The following VAV2 variants were observed in gnomAD, a reference collection of about 807,000 sequenced individuals.
The protein encoded by VAV2 is vav guanine nucleotide exchange factor 2.
In VAV2, 67 loss-of-function variants were observed where a neutral mutation model predicts 132.5. The ratio of observed to expected loss-of-function variants is 0.51; its 90% CI spans 0.42 to 0.62. The LOEUF is 0.62. Among genes scored for constraint, VAV2 ranks in the 20% least tolerant of loss-of-function variants. The pLI is 0.00. For missense variants in VAV2, 938 were observed against 1,153.6 expected (o/e 0.81, Z 2.71); for synonymous variants, 492 against 443.5 (o/e 1.11, Z -1.37).
intron 7 of VAV2, among the ~76,000 whole-genome samples, chr9:133,808,361 C>T (rs545771808): frequency 1.3e-5 from 2 of 152,350 alleles, no homozygotes; most frequent in East Asian, 3.9e-4. Flanking sequence ...GGCATCACGG[C>T]CACCCTGGTT....
At chr9:133,948,454 G>A (rs1019957826) in intron 1 of VAV2, among the ~76,000 whole-genome samples, 1 of 152,124 alleles carries the variant, frequency 6.6e-6, no homozygotes, top group Non-Finnish European at 1.5e-5. Context: ...GGTCTTCGGG[G>A]GCCAGCCTTG....
At chr9:133,871,175 G>A (rs12348043) in intron 2 of VAV2, among the ~76,000 whole-genome samples, 1 of 150,258 alleles carries the variant, frequency 6.7e-6, no homozygotes, top group Admixed American at 6.6e-5. Context: ...TGGATGGATA[G>A]ATGAGTGGGT....
chr9:133,957,345 C>G (rs1053522967), intron 1 of VAV2, among the ~76,000 whole-genome samples: 2 of 152,176 alleles, frequency 1.3e-5, no homozygotes, highest in African/African-American at 4.8e-5. Flanking sequence ...ATGAAACCGA[C>G]AAGAACTCCC....
chr9:133,991,171 G>C lies in VAV2; in HGVS notation c.204+904C>G, dbSNP rs1843003019. ...CACCTCCTCGGCGCTGGGTGGACCC[G>C]GCTGCCACCCGCTCTGCCTCCCCCG... On this transcript the variant is annotated intron_variant, in intron 1 of 29. Coordinates refer to ENST00000371850, the MANE Select transcript of VAV2 (RefSeq NM_001134398.2). The surrounding 1 kb of genome is among the most constrained non-coding windows in gnomAD (Gnocchi z 4.8). Among the ~76,000 whole-genome samples the C allele has an allele frequency of 6.6e-6, 1 of 152,172 alleles. No homozygotes were observed. Among genetic ancestry groups the C allele is most frequent in the African/African-American group, 2.4e-5 (1 of 41,454 alleles).
intron 1 of VAV2, among the ~76,000 whole-genome samples, chr9:133,966,647 G>A (rs1230041827): frequency 3.9e-5 from 6 of 152,110 alleles, no homozygotes; most frequent in Admixed American, 3.9e-4. Flanking sequence ...GCTGCAGTGA[G>A]CTGTGATCAC....
Position 133,824,171 on chromosome 9 carries a change from C to A in VAV2, c.449+10101G>T, listed in dbSNP as rs928371149. On this transcript the variant is annotated intron_variant, in intron 4 of 29. Coordinates refer to ENST00000371850, the MANE Select transcript of VAV2 (RefSeq NM_001134398.2). This position sits in a 1 kb window ranked among gnomAD's most constrained non-coding sequence, Gnocchi z 5.2. Reference sequence around the variant, plus strand: ...AACGAGCTGCGGTCTCCACAGCCAGCCCCACAGGGAAGTGCTGATGGCTCT... The same window carrying A: ...AACGAGCTGCGGTCTCCACAGCCAGACCCACAGGGAAGTGCTGATGGCTCT... Among the ~76,000 whole-genome samples, 3 of 152,130 alleles carry A rather than the reference C, an allele frequency of 2.0e-5. No homozygotes were observed. The highest frequency in any genetic ancestry group is 4.4e-5 in the Non-Finnish European group (3 of 68,016).
rs1564350912 is a variant in VAV2 at position 133,791,770 on chromosome 9, C to T, written c.1188+13G>A. 2 of 1,612,358 alleles carry T rather than the reference C, an allele frequency of 1.2e-6. No homozygotes were observed. The highest frequency in any genetic ancestry group is 8.5e-7 in the Non-Finnish European group (1 of 1,178,434). Reference sequence around the variant, plus strand: ...ATCGACCTTCCCTAGCCTGAAGAGTCAGTCTCACTCACCAAATTTTCTATA... The same window carrying T: ...ATCGACCTTCCCTAGCCTGAAGAGTTAGTCTCACTCACCAAATTTTCTATA... On this transcript the variant is annotated intron_variant, in intron 13 of 29. Coordinates refer to ENST00000371850, the MANE Select transcript of VAV2 (RefSeq NM_001134398.2).
chr9:133,893,852 G>A (rs1400286267), intron 2 of VAV2, among the ~76,000 whole-genome samples: 3 of 151,364 alleles, frequency 2.0e-5, no homozygotes, highest in Admixed American at 6.5e-5. Context: ...ACACAGCAGC[G>A]GCGAGAGTCG....
chr9:133,807,290 C>T lies in VAV2; in HGVS notation c.703G>A (p.Ala235Thr), dbSNP rs1301212214. Residue 235 changes from alanine (A) to threonine (T), a missense_variant, in exon 8 of 30, where the codon GCG (alanine) becomes ACG (threonine). Coordinates refer to ENST00000371850, the MANE Select transcript of VAV2 (RefSeq NM_001134398.2). ...TTAATGAAGACAGCTGCCATGTCCG[C>T]CGGGCTCAGCACCAGCCGCAGGGGG... ...MSPLRLVLSP[A>T]DMAAVFINLE... 4 of 1,611,236 alleles carry T rather than the reference C, an allele frequency of 2.5e-6. No homozygotes were observed. The East Asian group carries it at 6.7e-5, about 27-fold the overall frequency.
At position 133,964,036 on chromosome 9, in the gene VAV2, TATATATATATATACATATATATAC is replaced by T. The variant is rs1463500977; in HGVS notation, c.205-24841_205-24818del. On this transcript the variant is annotated intron_variant, in intron 1 of 29. Coordinates refer to ENST00000371850, the MANE Select transcript of VAV2 (RefSeq NM_001134398.2). Reference sequence around the variant, plus strand: ...AATTATTCATTCATATATATATATATATATATATATATACATATATATACATATATATAAATGAATAGGCCAGGT... The same window carrying T: ...AATTATTCATTCATATATATATATATATATATATAAATGAATAGGCCAGGT... Among the ~76,000 whole-genome samples the T allele has an allele frequency of 4.3e-4, 43 of 99,020 alleles. 1 individual carries two copies. Among genetic ancestry groups the T allele is most frequent in the Admixed American group, 3.3e-3 (30 of 9,054 alleles). 65.0% of individuals were successfully genotyped at this position (99,020 alleles called of 152,430 possible). A position where few individuals can be genotyped will look rare whatever the true frequency, so the allele number is the denominator to read the frequency against.
chr9:133,783,742 C>T (rs1834101783), intron 18 of VAV2, 151 bp from the exon 19 acceptor site: 1 of 693,012 alleles, frequency 1.4e-6, no homozygotes, highest in African/African-American at 1.8e-5. Flanking sequence ...ATCCAGGACC[C>T]TCCCTTACCA....
chr9:133,946,802 A>T (rs2132163129), intron 1 of VAV2, among the ~76,000 whole-genome samples: 1 of 152,326 alleles, frequency 6.6e-6, no homozygotes, highest in South Asian at 2.1e-4. Flanking sequence ...TTACTATTCA[A>T]CAGATGCAGC....
chr9:133,809,441 C>T (rs965676014), intron 6 of VAV2, among the ~76,000 whole-genome samples: 5 of 152,318 alleles, frequency 3.3e-5, no homozygotes, highest in South Asian at 4.1e-4. Flanking sequence ...TTCTGAATCT[C>T]GATTCTTCAC....
At chr9:133,853,516 G>C (rs778769986) in intron 3 of VAV2, among the ~76,000 whole-genome samples, 8 of 152,106 alleles carry the variant, frequency 5.3e-5, no homozygotes, top group Admixed American at 2.0e-4. Flanking sequence ...ACTCCCACAG[G>C]TGTGGCAGGT....
At chr9:133,902,687 A>C (rs1369885374) in intron 2 of VAV2, among the ~76,000 whole-genome samples, 1 of 152,166 alleles carries the variant, frequency 6.6e-6, no homozygotes, top group Admixed American at 6.5e-5. Context: ...TCAGAATTTA[A>C]CCTTACTTGT....
At chr9:133,891,823 GA>G (rs1838984129) in intron 2 of VAV2, among the ~76,000 whole-genome samples, 1 of 20,234 alleles carries the variant, frequency 4.9e-5, no homozygotes, top group African/African-American at 1.9e-4. Flanking sequence ...GATGGAGGGG[GA>G]TGGAGGGAGA....
intron 1 of VAV2, among the ~76,000 whole-genome samples, chr9:133,976,673 G>A (rs1169801405): frequency 1.3e-5 from 2 of 152,200 alleles, no homozygotes; most frequent in Non-Finnish European, 2.9e-5. Context: ...CGGCAGCTAC[G>A]CATCTGGCTT....
chr9:133,964,052 TATATATAC>T (rs1842062820), intron 1 of VAV2, among the ~76,000 whole-genome samples: 1 of 117,000 alleles, frequency 8.5e-6, no homozygotes, highest in Non-Finnish European at 1.8e-5. Flanking sequence ...TATATATACA[TATATATAC>T]ATATATATAA....
intron 1 of VAV2, among the ~76,000 whole-genome samples, chr9:133,954,304 C>T (rs1010105222): frequency 4.6e-5 from 7 of 152,220 alleles, no homozygotes; most frequent in Non-Finnish European, 1.0e-4. Flanking sequence ...TGAGGGCCTG[C>T]GGCCCTGCAT....
Sources: allele counts gnomAD v4.1 joint callset (sites outside exome capture counted in the v4.1 genomes callset), GRCh38; gene constraint gnomAD v4.1.1; non-coding constraint Gnocchi (gnomAD v3.1); transcripts MANE v1.5; gene names NCBI Gene and HGNC (gene_info 2026-07-23, HGNC 2026-07-21).